Variants in HNMT observed in about 807,000 individuals in gnomAD.
The protein encoded by HNMT is histamine N-methyltransferase.
A neutral mutation model predicts 32.1 loss-of-function variants in HNMT; 30 were observed. The ratio of observed to expected loss-of-function variants is 0.93; its 90% CI spans 0.70 to 1.27. HNMT has a LOEUF of 1.27. HNMT is among the 50% of genes most tolerant of loss of function. HNMT has a pLI of 0.00. For missense variants in HNMT, 327 were observed against 346.0 expected (o/e 0.95, Z 0.43); for synonymous variants, 125 against 119.0 (o/e 1.05, Z -0.33).
intron 2 of HNMT, among the ~76,000 whole-genome samples, chr2:137,983,143 A>G (rs990061906): frequency 1.3e-5 from 2 of 152,162 alleles, no homozygotes; most frequent in Non-Finnish European, 2.9e-5. Context: ...TAGAGCCTAA[A>G]GTAGTCCAAA....
chr2:137,984,732 C>T (rs959378821), intron 2 of HNMT, among the ~76,000 whole-genome samples: 4 of 151,688 alleles, frequency 2.6e-5, no homozygotes, highest in Admixed American at 1.3e-4. Context: ...ATTTTACAGT[C>T]GAAGATTGTT....
intron 2 of HNMT, among the ~76,000 whole-genome samples, chr2:137,999,748 G>A (rs185298869): frequency 1.3e-5 from 2 of 152,180 alleles, no homozygotes; most frequent in East Asian, 3.9e-4. Context: ...ATCAGCAAGA[G>A]GGAGAGAAGA....
intron 4 of HNMT, among the ~76,000 whole-genome samples, chr2:138,004,199 G>T (rs2104979377): frequency 6.6e-6 from 1 of 152,136 alleles, no homozygotes; most frequent in Middle Eastern, 3.4e-3. Context: ...CCATCATATT[G>T]ATTCACTATA....
intron 2 of HNMT, among the ~76,000 whole-genome samples, chr2:137,980,440 A>C (rs909310509): frequency 6.6e-6 from 1 of 152,206 alleles, no homozygotes; most frequent in Non-Finnish European, 1.5e-5. Flanking sequence ...AGTGCCTAGC[A>C]CCGAGTATAC....
At chr2:137,967,422 T>G (rs1377348712) in intron 1 of HNMT, 2 of 319,264 alleles carry the variant, frequency 6.3e-6, no homozygotes, top group Non-Finnish European at 1.1e-5. Flanking sequence ...AAAAAATAAA[T>G]CAAATGCTAC....
chr2:137,977,085 T>C (rs1018659938), intron 2 of HNMT, among the ~76,000 whole-genome samples: 28 of 152,218 alleles, frequency 1.8e-4, no homozygotes, highest in African/African-American at 6.5e-4. Flanking sequence ...AACTTAGTTC[T>C]AAAGCCTTAT....
In HNMT at chr2:137,983,627, G is replaced by A. The variant is rs185830592; in HGVS notation, c.190+13410G>A. On this transcript the variant is annotated intron_variant, in intron 2 of 5. Coordinates refer to ENST00000280097, the MANE Select transcript of HNMT (RefSeq NM_006895.3). ...AAAAGTAACTCGAAGTAGTGGTTTG[G>A]AACTCTGGCTCATAGAGCATCTTCA... is the stretch of plus-strand genomic sequence containing the variant. Among the ~76,000 whole-genome samples the A allele has an allele frequency of 6.6e-5, 10 of 152,266 alleles. No homozygotes were observed. In the East Asian group the frequency reaches 1.9e-3, roughly 29 times the overall value.
chr2:138,012,477 G>A (rs1269845838), intron 5 of HNMT, among the ~76,000 whole-genome samples: 2 of 152,098 alleles, frequency 1.3e-5, no homozygotes, highest in African/African-American at 4.8e-5. Context: ...TCAGTCCAAG[G>A]CAGCATCTTT....
intron 5 of HNMT, among the ~76,000 whole-genome samples, chr2:138,013,450 T>C (rs1681570688): frequency 6.6e-6 from 1 of 152,132 alleles, no homozygotes; most frequent in Admixed American, 6.6e-5. Flanking sequence ...CCTGGAGTCA[T>C]CTTCCCCCTG....
intron 1 of HNMT, among the ~76,000 whole-genome samples, chr2:137,968,613 C>T (rs1192902421): frequency 6.6e-6 from 1 of 152,190 alleles, no homozygotes; most frequent in African/African-American, 2.4e-5. Context: ...AACTTGGGTG[C>T]TCTGCTTCAT....
chr2:137,969,651 C>T (rs1680064186), intron 1 of HNMT, among the ~76,000 whole-genome samples: 1 of 152,082 alleles, frequency 6.6e-6, no homozygotes, highest in African/African-American at 2.4e-5. Flanking sequence ...ATAATTCGGG[C>T]TTTATTATCT....
intron 1 of HNMT, among the ~76,000 whole-genome samples, chr2:137,967,886 T>G (rs917650311): frequency 6.6e-6 from 1 of 152,200 alleles, no homozygotes; most frequent in African/African-American, 2.4e-5. Flanking sequence ...CTCTGCCTCT[T>G]TCCATCTCTG....
intron 2 of HNMT, among the ~76,000 whole-genome samples, chr2:137,979,929 C>A (rs1382780813): frequency 6.6e-5 from 10 of 152,114 alleles, no homozygotes; most frequent in African/African-American, 2.2e-4. Flanking sequence ...AGACCTCCGG[C>A]CTCTCCTTCA....
Position 138,010,356 on chromosome 2 carries a change from C to T in HNMT, c.524-3419C>T, listed in dbSNP as rs145126225. ...TATATTTCAGCTAAAACTGACTTGA[C>T]GAAATCAGAGAACACAGGAAGTTCT... On this transcript the variant is annotated intron_variant, in intron 5 of 5. Coordinates refer to ENST00000280097, the MANE Select transcript of HNMT (RefSeq NM_006895.3). Among the ~76,000 whole-genome samples, 155 of 151,064 alleles carry T rather than the reference C, an allele frequency of 1.0e-3. 1 individual carries two copies. Among genetic ancestry groups the T allele is most frequent in the African/African-American group, 3.1e-3 (128 of 41,146 alleles).
At position 138,015,807 on chromosome 2, in the gene HNMT, AAAAC is replaced by A. The variant is rs1681645188; in HGVS notation, c.*1685_*1688del. ...GTCTTTTGTATAAAGCACACGTGCA[AAAAC>A]AAACAAAATTAGAACTAACAATGCT... On this transcript the variant is annotated 3_prime_UTR_variant, in exon 6 of 6. Coordinates refer to ENST00000280097, the MANE Select transcript of HNMT (RefSeq NM_006895.3). 1 of 152,204 alleles carries A rather than the reference AAAAC, an allele frequency of 6.6e-6. No individual in the cohort carries two copies. The highest frequency in any genetic ancestry group is 1.5e-5 in the Non-Finnish European group (1 of 68,028). 9.4% of individuals were successfully genotyped at this position (152,204 alleles called of 1,614,324 possible). A position where few individuals can be genotyped will look rare whatever the true frequency, so the allele number is the denominator to read the frequency against.
intron 5 of HNMT, among the ~76,000 whole-genome samples, chr2:138,005,675 C>G (rs765424188): frequency 3.3e-5 from 5 of 151,992 alleles, no homozygotes; most frequent in African/African-American, 4.8e-5. Context: ...ATGATCAACA[C>G]TGCTTGCTAT....
rs1679897661 is a variant in HNMT at position 137,964,622 on chromosome 2, T to C, written c.131T>C (p.Ile44Thr). 1 of 1,613,516 alleles carries C rather than the reference T, an allele frequency of 6.2e-7. No individual in the cohort carries two copies. The highest frequency in any genetic ancestry group is 1.3e-5 in the African/African-American group (1 of 74,822). ...ATGGACAAGAAGCTGCCAGGCATAATAGGAAGGTAACAAAAGGGACGTTGT... is the reference window on the plus strand; with the variant it reads ...ATGGACAAGAAGCTGCCAGGCATAACAGGAAGGTAACAAAAGGGACGTTGT... ...EFMDKKLPGI[I>T]GRIGDTKSEI... The change falls in exon 1 of 6, where the codon ATA (isoleucine) becomes ACA (threonine). Residue 44 changes from isoleucine to threonine, a missense_variant. Ile to Thr is a moderately conservative substitution (Grantham distance 89, BLOSUM62 -1). Coordinates refer to ENST00000280097, the MANE Select transcript of HNMT (RefSeq NM_006895.3).
Position 138,014,058 on chromosome 2 carries a change from T to A in HNMT, c.807T>A (p.Pro269=). Residue 269 remains proline (P), a synonymous_variant, in exon 6 of 6, where the codon CCT becomes CCA. Coordinates refer to ENST00000280097, the MANE Select transcript of HNMT (RefSeq NM_006895.3). The part of the protein sequence containing the change: ...RAELGKDLQE[P]EFSAKKEGKV... ...AGCTTGGGAAAGATCTACAAGAGCCTGAATTTAGTGCTAAGAAAGAGGGGA... is the reference window on the plus strand; with the variant it reads ...AGCTTGGGAAAGATCTACAAGAGCCAGAATTTAGTGCTAAGAAAGAGGGGA... 6.2e-7 allele frequency: 1 copy of A among 1,613,266 alleles called. No homozygotes were observed. The highest frequency in any genetic ancestry group is 8.5e-7 in the Non-Finnish European group (1 of 1,179,430).
intron 1 of HNMT, chr2:137,967,299 A>G (rs1679988372): frequency 1.8e-6 from 1 of 556,702 alleles, no homozygotes; most frequent in Non-Finnish European, 3.2e-6. Context: ...GCTACTCCAG[A>G]CGCTGAAGTG....
Sources: gnomAD v4.1 joint callset for allele counts (sites outside exome capture counted in the v4.1 genomes callset) on GRCh38, gnomAD v4.1.1 for gene constraint, MANE v1.5 for transcripts, NCBI Gene and HGNC (gene_info 2026-07-23, HGNC 2026-07-21) for gene names.